Variants in DCTN6 observed in about 807,000 individuals in gnomAD.
DCTN6 encodes dynactin 6.
Under a neutral mutation model 25.8 loss-of-function variants are expected in DCTN6, and 15 were observed. The ratio of observed to expected loss-of-function variants is 0.58; its 90% CI spans 0.39 to 0.89. The LOEUF (loss-of-function observed/expected upper bound fraction) is 0.89. Ranked by LOEUF, DCTN6 falls within the 40% of genes least tolerant of loss-of-function variation. DCTN6 has a pLI of 0.00. For missense variants in DCTN6, 198 were observed against 237.6 expected, an observed-to-expected ratio of 0.83 and a Z score of 1.09; for synonymous variants, 64 against 78.3, an observed-to-expected ratio of 0.82 and a Z score of 0.96.
intron 2 of DCTN6, among the ~76,000 whole-genome samples, chr8:30,174,330 CT>C (rs113335753): frequency 0.01 from 1,514 of 145,914 alleles, 23 homozygotes; most frequent in African/African-American, 0.034. Context: ...CATATTTCTC[CT>C]TTTTTTTTTT....
rs539237923 is a variant in DCTN6 at position 30,175,161 on chromosome 8, A to C, written c.165A>C (p.Leu55=). 56 of 1,614,146 alleles carry C rather than the reference A, an allele frequency of 3.5e-5. No homozygotes were observed. The African/African-American group carries it at 6.4e-4, about 18-fold the overall frequency. ...CAATAGTGATTGGCGAAGGGAACCT[A>C]ATAGAAGAACAGGCCCTTATCATAA... ...AGPIVIGEGN[L]IEEQALIINA... is the part of the protein sequence containing the mutation. Residue 55 remains leucine (L), a synonymous_variant, in exon 3 of 7, where the codon CTA becomes CTC. Coordinates refer to ENST00000221114, the MANE Select transcript of DCTN6 (RefSeq NM_006571.4).
At chr8:30,156,544 C>A in intron 1 of DCTN6, 138 bp downstream of exon 1, 4 of 1,005,940 alleles carry the variant, frequency 4.0e-6, no homozygotes, top group Non-Finnish European at 6.1e-6. Context: ...CCAGACCTGG[C>A]GTCCACTGAG....
At chr8:30,175,769 A>G (rs1031100687) in intron 3 of DCTN6, among the ~76,000 whole-genome samples, 2 of 152,210 alleles carry the variant, frequency 1.3e-5, no homozygotes, top group East Asian at 1.9e-4. Context: ...TTTCATAAAC[A>G]TAAGTTCTTT....
In DCTN6 at chr8:30,181,950, G is replaced by A. The variant is rs145217193; in HGVS notation, c.475-1125G>A. On this transcript the variant is annotated intron_variant, in intron 6 of 6. Coordinates refer to ENST00000221114, the MANE Select transcript of DCTN6 (RefSeq NM_006571.4). The stretch of plus-strand genomic sequence containing the variant: ...TATTTTATCAGAAATCAAAACTCCA[G>A]TTCTTTTTGGGTTACTCTATTTCTG... Among the ~76,000 whole-genome samples the A allele has an allele frequency of 3.1e-3, 472 of 151,652 alleles. 4 individuals are homozygous for A. The highest frequency in any genetic ancestry group is 0.011 in the African/African-American group (436 of 41,368).
chr8:30,159,152 A>G (rs1002358219), intron 1 of DCTN6, among the ~76,000 whole-genome samples: 6 of 152,226 alleles, frequency 3.9e-5, no homozygotes, highest in African/African-American at 1.4e-4. Flanking sequence ...TACGCCTTAT[A>G]AAAAGTCAGA....
chr8:30,164,275 T>A (rs1357058162), intron 2 of DCTN6, 100 bp downstream of exon 2: 3 of 913,944 alleles, frequency 3.3e-6, no homozygotes, highest in Non-Finnish European at 5.2e-6. Flanking sequence ...ATTTCACTGA[T>A]GTCCTAGTTT....
chr8:30,168,711 A>G (rs769760643), intron 2 of DCTN6, among the ~76,000 whole-genome samples: 1 of 152,164 alleles, frequency 6.6e-6, no homozygotes, highest in Non-Finnish European at 1.5e-5. Context: ...AAAAGCAGGT[A>G]TTTGTTTTTT....
In DCTN6 at chr8:30,183,252, TAAC is replaced by T; in HGVS notation, c.*83_*85del. The T allele has an allele frequency of 8.7e-7, 1 of 1,143,090 alleles. No homozygotes were observed. 70.8% of individuals were successfully genotyped at this position (1,143,090 alleles called of 1,614,324 possible). A position where few individuals can be genotyped will look rare whatever the true frequency, so the allele number is the denominator to read the frequency against. ...TGGGCCCACAGTGTTTATGTACTCT[TAAC>T]AACTCACAGAATAATACATGTTCAC... On this transcript the variant is annotated 3_prime_UTR_variant, in exon 7 of 7. Coordinates refer to ENST00000221114, the MANE Select transcript of DCTN6 (RefSeq NM_006571.4).
At chr8:30,166,269 T>C (rs1803671957) in intron 2 of DCTN6, among the ~76,000 whole-genome samples, 1 of 152,104 alleles carries the variant, frequency 6.6e-6, no homozygotes, top group African/African-American at 2.4e-5. Context: ...TTCTTTTTTT[T>C]TTAAATCCCC....
At chr8:30,166,319 C>CTT (rs200865266) in intron 2 of DCTN6, among the ~76,000 whole-genome samples, 11 of 120,118 alleles carry the variant, frequency 9.2e-5, no homozygotes, top group South Asian at 2.8e-4. Flanking sequence ...TTTTTTCTTT[C>CTT]TTTTTTTTTT....
chr8:30,174,075 G>T (rs1803799040), intron 2 of DCTN6, among the ~76,000 whole-genome samples: 1 of 152,238 alleles, frequency 6.6e-6, no homozygotes, highest in African/African-American at 2.4e-5. Flanking sequence ...GGCCCTGGCT[G>T]TTCCCTTCAA....
chr8:30,175,223 C>T (rs779048696), intron 3 of DCTN6, 33 bp downstream of exon 3: 4 of 1,569,636 alleles, frequency 2.5e-6, no homozygotes, highest in South Asian at 2.3e-5. Flanking sequence ...GAACCAAGTA[C>T]CATGGGTAAC....
chr8:30,174,673 G>A (rs1372594577), intron 2 of DCTN6, among the ~76,000 whole-genome samples: 1 of 152,198 alleles, frequency 6.6e-6, no homozygotes, highest in Non-Finnish European at 1.5e-5. Flanking sequence ...CTTAAGCAAA[G>A]AGAGTGTTAC....
chr8:30,182,887 A>G (rs1465822339), intron 6 of DCTN6, among the ~76,000 whole-genome samples, 188 bp from the exon 7 acceptor site: 1 of 151,920 alleles, frequency 6.6e-6, no homozygotes, highest in African/African-American at 2.4e-5. Context: ...GCTAATTTTT[A>G]AATTTTTTTA....
chr8:30,175,233 C>T (rs1027253582), intron 3 of DCTN6, 43 bp downstream of exon 3: 61 of 1,551,192 alleles, frequency 3.9e-5, no homozygotes, highest in African/African-American at 5.5e-5. Flanking sequence ...CCATGGGTAA[C>T]GGTTTTTCTT....
At chr8:30,171,837 C>G (rs1803767817) in intron 2 of DCTN6, among the ~76,000 whole-genome samples, 1 of 152,184 alleles carries the variant, frequency 6.6e-6, no homozygotes, top group Non-Finnish European at 1.5e-5. Flanking sequence ...CTCTTTCAAA[C>G]ATTTCATATA....
intron 2 of DCTN6, among the ~76,000 whole-genome samples, chr8:30,169,242 G>GTACT (rs1803727952): frequency 6.6e-6 from 1 of 152,116 alleles, no homozygotes; most frequent in Non-Finnish European, 1.5e-5. Context: ...ACTCTTACAG[G>GTACT]TACTTCAGCT....
At chr8:30,164,300 T>C in intron 2 of DCTN6, 125 bp downstream of exon 2, 1 of 763,838 alleles carries the variant, frequency 1.3e-6, no homozygotes, top group East Asian at 2.7e-5. Context: ...GACAAAATAA[T>C]GCATTTTCTC....
chr8:30,178,235 G>T (rs998556339), intron 4 of DCTN6, among the ~76,000 whole-genome samples: 1 of 151,944 alleles, frequency 6.6e-6, no homozygotes, highest in Non-Finnish European at 1.5e-5. Context: ...AGGCCGAGGC[G>T]GGCAGATCAC....
Sources: allele counts gnomAD v4.1 joint callset (sites outside exome capture counted in the v4.1 genomes callset), GRCh38; gene constraint gnomAD v4.1.1; transcripts MANE v1.5; gene names NCBI Gene and HGNC (gene_info 2026-07-23, HGNC 2026-07-21).